The following DNAJC10 variants were observed in gnomAD, a reference collection of about 807,000 sequenced individuals.
DNAJC10 encodes the protein DnaJ heat shock protein family (Hsp40) member C10, also known as endoplasmic reticulum disulfide reductase DNAJC10.
In DNAJC10, 101 loss-of-function variants were observed where a neutral mutation model predicts 115.0. That is an observed-to-expected ratio of 0.88 (90% CI 0.75 to 1.04). The LOEUF (loss-of-function observed/expected upper bound fraction) is 1.04, where lower values mean the gene tolerates loss of function less well. Ranked by LOEUF, DNAJC10 falls within the 50% of genes least tolerant of loss-of-function variation. DNAJC10 has a pLI of 0.00. For synonymous variants in DNAJC10, 307 were observed against 301.5 expected, an observed-to-expected ratio of 1.02 and a Z score of -0.19; for missense variants, 981 against 928.8, an observed-to-expected ratio of 1.06 and a Z score of -0.73.
chr2:182,746,764 G>C (rs1173573538), intron 14 of DNAJC10, among the ~76,000 whole-genome samples: 1 of 151,924 alleles, frequency 6.6e-6, no homozygotes, highest in South Asian at 2.1e-4. Flanking sequence ...TTTGGCTTTT[G>C]TTGCCATTGC....
chr2:182,768,428 A>C (rs1224022006), intron 22 of DNAJC10, among the ~76,000 whole-genome samples: 1 of 152,188 alleles, frequency 6.6e-6, no homozygotes, highest in Non-Finnish European at 1.5e-5. Flanking sequence ...AGAGGAGTCC[A>C]GGGGACAAAG....
At position 182,765,996 on chromosome 2, in the gene DNAJC10, G is replaced by A. The variant is rs561684122; in HGVS notation, c.2265+3195G>A. ...GGCCTGTGTAAGTGTACACGGTAACGTGGAGAAATTTAAAACGTTTAAAGG... is the reference window on the plus strand; with the variant it reads ...GGCCTGTGTAAGTGTACACGGTAACATGGAGAAATTTAAAACGTTTAAAGG... On this transcript the variant is annotated intron_variant, in intron 22 of 23. Coordinates refer to ENST00000264065, the MANE Select transcript of DNAJC10 (RefSeq NM_018981.4). 1.2e-3 allele frequency among the ~76,000 whole-genome samples: 180 copies of A among 152,284 alleles called. 1 individual carries two copies. Among genetic ancestry groups the A allele is most frequent in the African/African-American group, 4.1e-3 (170 of 41,566 alleles).
chr2:182,738,091 A>G (rs751078261), intron 11 of DNAJC10, among the ~76,000 whole-genome samples: 2 of 152,190 alleles, frequency 1.3e-5, no homozygotes, highest in African/African-American at 2.4e-5. Context: ...TTATCCTTGA[A>G]GTAATTAATG....
chr2:182,737,916 G>A (rs1693627677), intron 11 of DNAJC10, among the ~76,000 whole-genome samples: 1 of 152,108 alleles, frequency 6.6e-6, no homozygotes, highest in Non-Finnish European at 1.5e-5. Flanking sequence ...CACATCAAAT[G>A]GATGGATGGA....
rs1056896357 is a variant in DNAJC10 at position 182,788,786 on chromosome 2, C to G, written c.*11654C>G. On this transcript the variant is annotated 3_prime_UTR_variant, in exon 24 of 24. Transcript: ENST00000264065. Reference sequence around the variant, plus strand: ...CTATTCAGAAGTTTTCTAAAATGGACTTCAAGCTCTATGACTTTATGATCA... The same window carrying G: ...CTATTCAGAAGTTTTCTAAAATGGAGTTCAAGCTCTATGACTTTATGATCA... 2.2e-6 allele frequency: 1 copy of G among 454,762 alleles called. No individual in the cohort carries two copies. The highest frequency in any genetic ancestry group is 2.0e-5 in the African/African-American group (1 of 50,044). 28.2% of individuals were successfully genotyped at this position (454,762 alleles called of 1,614,324 possible).
At chr2:182,740,848 CCA>C (rs1693715739) in intron 12 of DNAJC10, among the ~76,000 whole-genome samples, 1 of 151,910 alleles carries the variant, frequency 6.6e-6, no homozygotes, top group South Asian at 2.1e-4. Context: ...GTGGCAAAAA[CCA>C]CAGTTACTTT....
chr2:182,734,939 C>T, intron 10 of DNAJC10, among the ~76,000 whole-genome samples: 1 of 150,814 alleles, frequency 6.6e-6, no homozygotes, highest in South Asian at 2.1e-4. Flanking sequence ...TTACTGTATC[C>T]TTATATTTAT....
In DNAJC10 at chr2:182,728,676, C is replaced by A; in HGVS notation, c.501+18C>A. ...CTCCCACAGTATGTATTTTTCACAT[C>A]CTCATTACTAGTTTTATTTCTAATT... On this transcript the variant is annotated intron_variant, in intron 6 of 23. Transcript: ENST00000264065. 1 of 1,593,030 alleles carries A rather than the reference C, an allele frequency of 6.3e-7. No homozygotes were observed. The highest frequency in any genetic ancestry group is 8.6e-7 in the Non-Finnish European group (1 of 1,165,134).
chr2:182,743,512 A>C (rs1014128333), intron 13 of DNAJC10, 86 bp from the exon 14 acceptor site: 51 of 883,104 alleles, frequency 5.8e-5, no homozygotes, highest in Admixed American at 9.7e-5. Flanking sequence ...TCATTAGGGC[A>C]GTGCCATTTT....
intron 11 of DNAJC10, among the ~76,000 whole-genome samples, chr2:182,738,054 A>G (rs952479642): frequency 5.3e-5 from 8 of 152,196 alleles, no homozygotes; most frequent in African/African-American, 1.7e-4. Context: ...TGCATACTTT[A>G]TCATTTTATA....
chr2:182,766,935 G>A (rs1326553542), intron 22 of DNAJC10, among the ~76,000 whole-genome samples: 1 of 152,066 alleles, frequency 6.6e-6, no homozygotes, highest in Non-Finnish European at 1.5e-5. Context: ...TGGCTTTTCT[G>A]TAGGGGGAGG....
At chr2:182,727,744 A>G (rs1057245561) in intron 5 of DNAJC10, among the ~76,000 whole-genome samples, 2 of 152,138 alleles carry the variant, frequency 1.3e-5, no homozygotes, top group Non-Finnish European at 2.9e-5. Context: ...TTTTAAAATA[A>G]TAAATTTTAA....
intron 10 of DNAJC10, 24 bp from the exon 11 acceptor site, chr2:182,736,225 G>A (rs765437395): frequency 6.5e-7 from 1 of 1,545,086 alleles, no homozygotes; most frequent in Non-Finnish European, 8.7e-7. Context: ...TTACAACATG[G>A]TTTGTTGTTT....
chr2:182,719,574 T>C (rs1317187881), intron 3 of DNAJC10, among the ~76,000 whole-genome samples: 1 of 152,074 alleles, frequency 6.6e-6, no homozygotes. Context: ...AATTAGCTGA[T>C]AGATTGGGGC....
Position 182,775,342 on chromosome 2 carries a change from T to G in DNAJC10, c.2292T>G (p.Asn764Lys). Reference protein sequence around the residue: ...AKRNFQEEQINTRDAKAIAAL... With the variant: ...AKRNFQEEQIKTRDAKAIAAL... ...GAAATTTTCAAGAAGAGCAGATAAATACCAGAGATGCAAAAGCAATCGCTG... is the reference window on the plus strand; with the variant it reads ...GAAATTTTCAAGAAGAGCAGATAAAGACCAGAGATGCAAAAGCAATCGCTG... The change falls in exon 23 of 24, where the codon AAT becomes AAG. Residue 764 changes from asparagine (N) to lysine (K), a missense_variant. Coordinates refer to ENST00000264065, the MANE Select transcript of DNAJC10 (RefSeq NM_018981.4). The G allele has an allele frequency of 1.2e-6, 2 of 1,611,634 alleles. No individual in the cohort carries two copies. Among genetic ancestry groups the G allele is most frequent in the Non-Finnish European group, 1.7e-6 (2 of 1,178,292 alleles).
In DNAJC10 at chr2:182,785,087, TAATA is replaced by T. The variant is rs1051797630; in HGVS notation, c.*7960_*7963del. 1.3e-5 allele frequency: 2 copies of T among 152,152 alleles called. No homozygotes were observed. The highest frequency in any genetic ancestry group is 1.5e-5 in the Non-Finnish European group (1 of 68,016). The allele number at this position is 152,152 out of a possible 1,614,324, so 9.4% of individuals were successfully genotyped here. ...GCATCCAAAAGTTTGTAATCTAGTG[TAATA>T]AATAGGACAGATACTCAAAGTGTAT... On this transcript the variant is annotated 3_prime_UTR_variant, in exon 24 of 24. Transcript: ENST00000264065.
chr2:182,738,378 G>C (rs888088837), intron 11 of DNAJC10, among the ~76,000 whole-genome samples: 2 of 152,106 alleles, frequency 1.3e-5, no homozygotes. Context: ...TCCAACAATA[G>C]AGCCTCTTGC....
At chr2:182,736,439 A>C (rs1288951598) in intron 11 of DNAJC10, 53 bp downstream of exon 11, 11 of 1,271,098 alleles carry the variant, frequency 8.7e-6, no homozygotes, top group African/African-American at 1.6e-5. Context: ...AACACCCTCA[A>C]AAATAATACA....
chr2:182,756,723 T>C (rs528666924), intron 18 of DNAJC10, among the ~76,000 whole-genome samples: 11 of 151,970 alleles, frequency 7.2e-5, no homozygotes, highest in African/African-American at 2.2e-4. Flanking sequence ...CGCTCTGGAG[T>C]GCAGTGGCGC....
Sources: allele counts gnomAD v4.1 joint callset (sites outside exome capture counted in the v4.1 genomes callset), GRCh38; gene constraint gnomAD v4.1.1; transcripts MANE v1.5; gene names NCBI Gene and HGNC (gene_info 2026-07-23, HGNC 2026-07-21).